Variants in SLC24A2 observed in about 807,000 individuals in gnomAD.
SLC24A2 encodes solute carrier family 24 member 2.
A neutral mutation model predicts 62.0 loss-of-function variants in SLC24A2; 36 were observed. The ratio of observed to expected loss-of-function variants is 0.58; its 90% CI spans 0.44 to 0.77. The LOEUF (loss-of-function observed/expected upper bound fraction) is 0.77, where lower values mean the gene tolerates loss of function less well. Ranked by LOEUF, SLC24A2 falls within the 30% of genes least tolerant of loss-of-function variation. The pLI is 0.00. For missense variants in SLC24A2, 846 were observed against 817.9 expected, an observed-to-expected ratio of 1.03 and a Z score of -0.42; for synonymous variants, 358 against 294.0, an observed-to-expected ratio of 1.22 and a Z score of -2.23.
chr9:20,052,029 C>T, the SLC24A2 span, among the ~76,000 whole-genome samples: 18 of 152,134 alleles, frequency 1.2e-4, no homozygotes, highest in South Asian at 2.1e-4. Flanking sequence ...AAATAGTTCC[C>T]GGAACAGTGA....
chr9:20,024,682 T>A, the SLC24A2 span, among the ~76,000 whole-genome samples: 1 of 152,222 alleles, frequency 6.6e-6, no homozygotes, highest in African/African-American at 2.4e-5. Context: ...GTGTGTTCAC[T>A]TGTGTGTGCG....
intron 8 of SLC24A2, among the ~76,000 whole-genome samples, chr9:19,533,127 T>C (rs191529056): frequency 8.5e-5 from 13 of 152,292 alleles, no homozygotes; most frequent in Middle Eastern, 3.4e-3. Flanking sequence ...AAATAAAAGC[T>C]AGTGGGAGTA....
the SLC24A2 span, among the ~76,000 whole-genome samples, chr9:20,195,718 C>G: frequency 5.3e-5 from 8 of 152,214 alleles, no homozygotes; most frequent in South Asian, 1.7e-3. Flanking sequence ...TGCTCCCTCA[C>G]TCTTTATCAT....
chr9:19,834,369 G>C, the SLC24A2 span, among the ~76,000 whole-genome samples: 4 of 152,112 alleles, frequency 2.6e-5, no homozygotes, highest in East Asian at 7.7e-4. Flanking sequence ...CCAATGCAGA[G>C]AAGTCCTTAA....
At chr9:19,643,647 G>A (rs1818564679) in intron 2 of SLC24A2, among the ~76,000 whole-genome samples, 1 of 152,180 alleles carries the variant, frequency 6.6e-6, no homozygotes, top group African/African-American at 2.4e-5. Context: ...GACTTGTCAT[G>A]TCTGAGCTTT....
intron 8 of SLC24A2, among the ~76,000 whole-genome samples, chr9:19,533,538 A>G (rs1214744777): frequency 6.6e-6 from 1 of 152,220 alleles, no homozygotes; most frequent in East Asian, 1.9e-4. Context: ...TAGCTTTCAT[A>G]CTTGCTGCTC....
chr9:19,865,976 C>G, the SLC24A2 span, among the ~76,000 whole-genome samples: 1 of 152,146 alleles, frequency 6.6e-6, no homozygotes. Context: ...GAGAATATGT[C>G]AGGAGTGCAA....
chr9:20,031,077 G>T, the SLC24A2 span, among the ~76,000 whole-genome samples: 19 of 151,812 alleles, frequency 1.3e-4, no homozygotes, highest in East Asian at 3.9e-4. Flanking sequence ...TTAGAATATA[G>T]AGAGAGATAT....
chr9:20,307,263 G>A, the SLC24A2 span, among the ~76,000 whole-genome samples: 2 of 152,162 alleles, frequency 1.3e-5, no homozygotes, highest in Non-Finnish European at 2.9e-5. Context: ...TAAAAAAGGG[G>A]ATTGGGACAT....
At chr9:19,788,410 C>G (rs958993368) in intron 1 of SLC24A2, 2 of 728,182 alleles carry the variant, frequency 2.7e-6, no homozygotes, top group Admixed American at 1.3e-4. Flanking sequence ...CGCTCGTCTC[C>G]CCGGGAGCTG....
the SLC24A2 span, among the ~76,000 whole-genome samples, chr9:20,270,367 A>C: frequency 1.3e-5 from 2 of 152,174 alleles, no homozygotes; most frequent in Non-Finnish European, 2.9e-5. Flanking sequence ...GAATAATGGT[A>C]AGGAGTTTCC....
chr9:20,242,254 T>A, the SLC24A2 span, among the ~76,000 whole-genome samples: 2 of 152,182 alleles, frequency 1.3e-5, no homozygotes, highest in East Asian at 3.9e-4. Context: ...AGAAGAAGAC[T>A]TGTAAATTAC....
Position 19,786,132 on chromosome 9 carries a change from G to A in SLC24A2, c.735C>T (p.Tyr245=). The A allele has an allele frequency of 6.2e-7, 1 of 1,614,156 alleles. No homozygotes were observed. The highest frequency in any genetic ancestry group is 1.1e-5 in the South Asian group (1 of 91,080). The part of the protein sequence containing the change: ...WWPLFRDVSF[Y]IVDLIMLIIF... ...TGATCAGCATGATCAAGTCAACAAT[G>A]TAGAAAGACACATCTCGAAAGAGCG... The change falls in exon 2 of 11, where the codon TAC becomes TAT. Residue 245 remains tyrosine, a synonymous_variant. Coordinates refer to ENST00000341998, the MANE Select transcript of SLC24A2 (RefSeq NM_020344.4). This position sits in a 1 kb window ranked among gnomAD's most constrained non-coding sequence, Gnocchi z 5.0.
chr9:20,232,487 T>A, the SLC24A2 span, among the ~76,000 whole-genome samples: 1 of 152,210 alleles, frequency 6.6e-6, no homozygotes, highest in African/African-American at 2.4e-5. Flanking sequence ...TCGAGGAATT[T>A]ATCCATTTCT....
At chr9:19,964,017 C>T in the SLC24A2 span, among the ~76,000 whole-genome samples, 2 of 151,918 alleles carry the variant, frequency 1.3e-5, no homozygotes, top group Non-Finnish European at 2.9e-5. Context: ...GGCACATATA[C>T]ACCATGGAAT....
At chr9:19,567,827 C>T (rs1033700555) in intron 7 of SLC24A2, among the ~76,000 whole-genome samples, 1 of 151,966 alleles carries the variant, frequency 6.6e-6, no homozygotes, top group African/African-American at 2.4e-5. Flanking sequence ...TTTAAAAAGT[C>T]ATATTATTTC....
chr9:20,306,608 T>C, the SLC24A2 span, among the ~76,000 whole-genome samples: 2 of 152,338 alleles, frequency 1.3e-5, no homozygotes, highest in East Asian at 1.9e-4. Flanking sequence ...ATCCACTAAT[T>C]GGGCAGGGCC....
the SLC24A2 span, among the ~76,000 whole-genome samples, chr9:19,999,232 T>C: frequency 6.6e-6 from 1 of 152,250 alleles, no homozygotes; most frequent in South Asian, 2.1e-4. Context: ...GCCTGAGTAG[T>C]AGGTGAGGCA....
chr9:20,256,546 A>G, the SLC24A2 span, among the ~76,000 whole-genome samples: 3 of 152,040 alleles, frequency 2.0e-5, no homozygotes, highest in Admixed American at 1.3e-4. Flanking sequence ...TTCCTGCCCT[A>G]CTGCTACCTC....
Sources: allele counts gnomAD v4.1 joint callset (sites outside exome capture counted in the v4.1 genomes callset), GRCh38; gene constraint gnomAD v4.1.1; non-coding constraint Gnocchi (gnomAD v3.1); transcripts MANE v1.5; gene names NCBI Gene and HGNC (gene_info 2026-07-23, HGNC 2026-07-21).